FAAP24: variants seen among roughly 807,000 people sequenced by gnomAD.
FAAP24 encodes the protein FA core complex associated protein 24, also known as Fanconi anemia core complex-associated protein 24.
Under a neutral mutation model 14.3 loss-of-function variants are expected in FAAP24, and 16 were observed. The ratio of observed to expected loss-of-function variants is 1.12; its 90% CI spans 0.76 to 1.69. The LOEUF is 1.69. FAAP24 is among the 40% of genes most tolerant of loss of function. The probability of loss-of-function intolerance (pLI) is 0.00; values close to 1 mark genes in which losing one functional copy is unlikely to be tolerated. For synonymous variants in FAAP24, 111 were observed against 106.2 expected (o/e 1.04, Z -0.28); for missense variants, 234 against 262.7 (o/e 0.89, Z 0.75).
Position 32,973,225 on chromosome 19 carries a change from GC to G in FAAP24, c.33del (p.Val12CysfsTer35), listed in dbSNP as rs755103549. The G allele has an allele frequency of 6.2e-7, 1 of 1,613,790 alleles. No individual in the cohort carries two copies. On this transcript the variant is annotated frameshift_variant, in exon 2 of 5. Transcript: ENST00000588258. LOFTEE classifies it high-confidence loss of function. ...GAAAAGAACCCCCCTGATGATACGG[GC>G]CCCGTGCACGTGCCTTTGGGGCATA... MEKNPPDDT[G>X]PVHVPLGHIV... is the part of the protein sequence containing the mutation.
rs149750443 is a variant in FAAP24 at position 32,973,303 on chromosome 19, G to A, written c.106+1G>A. ...TCACAGCTGGCGCAGGAGATGCAAGGTCGGTGGCCTGCCCTCTGCCAGCCC... is the reference window on the plus strand; with the variant it reads ...TCACAGCTGGCGCAGGAGATGCAAGATCGGTGGCCTGCCCTCTGCCAGCCC... On this transcript the variant is annotated splice_donor_variant, in intron 2 of 4. Coordinates refer to ENST00000588258, the MANE Select transcript of FAAP24 (RefSeq NM_152266.5). LOFTEE classifies it high-confidence loss of function. The A allele has an allele frequency of 3.2e-5, 51 of 1,613,820 alleles. No individual in the cohort carries two copies. Among genetic ancestry groups the A allele is most frequent in the African/African-American group, 6.7e-5 (5 of 74,866 alleles).
chr19:32,972,634 C>T (rs925538344), intron 1 of FAAP24, among the ~76,000 whole-genome samples: 41 of 151,924 alleles, frequency 2.7e-4, no homozygotes, highest in Non-Finnish European at 2.8e-4. Context: ...GAATCCAATG[C>T]CATTACCACC....
rs1241054943 is a variant in FAAP24 at position 32,977,243 on chromosome 19, C to T, written c.*561C>T. The T allele has an allele frequency of 2.0e-5, 8 of 399,086 alleles. No homozygotes were observed. Among genetic ancestry groups the T allele is most frequent in the Non-Finnish European group, 8.8e-6 (2 of 226,578 alleles). 24.7% of individuals were successfully genotyped at this position (399,086 alleles called of 1,614,324 possible). A position where few individuals can be genotyped will look rare whatever the true frequency, so the allele number is the denominator to read the frequency against. On this transcript the variant is annotated 3_prime_UTR_variant, in exon 5 of 5. Transcript: ENST00000588258. ...GCTGGTGGGATCTTCGCAAGAGAGT[C>T]AGGGACTCACACTCAGCAAAAAGCA...
chr19:32,974,329 C>G (rs1971489255), intron 4 of FAAP24, 117 bp downstream of exon 4: 1 of 1,265,412 alleles, frequency 7.9e-7, no homozygotes, highest in East Asian at 2.5e-5. Flanking sequence ...TATAAAATCT[C>G]TTCGAGGAAT....
intron 1 of FAAP24, 55 bp from the exon 2 acceptor site, chr19:32,973,129 C>A: frequency 7.1e-7 from 1 of 1,401,206 alleles, no homozygotes; most frequent in South Asian, 1.2e-5. Context: ...GAGTGGAATG[C>A]AGGGCCGTGT....
rs1433801098 is a variant in FAAP24 at position 32,977,473 on chromosome 19, T to C, written c.*791T>C. ...CCCGTACTGCGAGGGCTGTTTCCAA[T>C]GTAAATAAATAACTGCGCAACAGTT... On this transcript the variant is annotated 3_prime_UTR_variant, in exon 5 of 5. Transcript: ENST00000588258. 1 of 398,434 alleles carries C rather than the reference T, an allele frequency of 2.5e-6. No individual in the cohort carries two copies. Among genetic ancestry groups the C allele is most frequent in the East Asian group, 3.6e-5 (1 of 28,088 alleles). 24.7% of individuals were successfully genotyped at this position (398,434 alleles called of 1,614,324 possible). A position where few individuals can be genotyped will look rare whatever the true frequency, so the allele number is the denominator to read the frequency against.
rs1043408530 is a variant in FAAP24 at position 32,976,822 on chromosome 19, C to CG, written c.*142dup. On this transcript the variant is annotated 3_prime_UTR_variant, in exon 5 of 5. Coordinates refer to ENST00000588258, the MANE Select transcript of FAAP24 (RefSeq NM_152266.5). ...CAGCACTTTGGGAGGCCGAAGACAG[C>CG]GGATCATCTGAGGTCAGGAGTTCAA... is the stretch of plus-strand genomic sequence containing the variant. 6.4e-6 allele frequency: 7 copies of CG among 1,094,168 alleles called. No individual in the cohort carries two copies. In the African/African-American group the frequency reaches 9.5e-5, roughly 15 times the overall value. 67.8% of individuals were successfully genotyped at this position (1,094,168 alleles called of 1,614,324 possible).
At position 32,974,131 on chromosome 19, in the gene FAAP24, G is replaced by A. The variant is rs772532765; in HGVS notation, c.315G>A (p.Gln105=). The change falls in exon 4 of 5, where the codon CAG becomes CAA. Residue 105 remains glutamine, a synonymous_variant. Coordinates refer to ENST00000588258, the MANE Select transcript of FAAP24 (RefSeq NM_152266.5). ...GTGAACAATACTTCCCAGCCCTACA[G>A]AAGTTTACTGTGCTGGACCTTGGAA... ...RMSEQYFPAL[Q]KFTVLDLGMV... is the part of the protein sequence containing the mutation. 3 of 1,614,204 alleles carry A rather than the reference G, an allele frequency of 1.9e-6. No individual in the cohort carries two copies. The South Asian group carries it at 3.3e-5, about 18-fold the overall frequency.
rs780149743 is a variant in FAAP24, at chr19:32,973,261, A to G, written c.65A>G (p.Asn22Ser). Reference protein sequence around the residue: ...VHVPLGHIVANEKWRGSQLAQ... With the variant: ...VHVPLGHIVASEKWRGSQLAQ... ...GTGCCTTTGGGGCATATTGTGGCCAATGAGAAATGGCGCGGGTCACAGCTG... is the reference window on the plus strand; with the variant it reads ...GTGCCTTTGGGGCATATTGTGGCCAGTGAGAAATGGCGCGGGTCACAGCTG... The change falls in exon 2 of 5, where the codon AAT (asparagine) becomes AGT (serine). Residue 22 changes from asparagine (N) to serine (S), a missense_variant. Transcript: ENST00000588258. 12 of 1,614,028 alleles carry G rather than the reference A, an allele frequency of 7.4e-6. No homozygotes were observed. The South Asian group carries it at 1.3e-4, about 18-fold the overall frequency.
At chr19:32,975,176 T>TC (rs1410394487) in intron 4 of FAAP24, among the ~76,000 whole-genome samples, 2 of 150,776 alleles carry the variant, frequency 1.3e-5, no homozygotes, top group East Asian at 2.0e-4. Context: ...CTGGGCAGTT[T>TC]TTTTTTTTTT....
In FAAP24 at chr19:32,976,621, A is replaced by G; in HGVS notation, c.587A>G (p.Glu196Gly). 2 of 1,614,154 alleles carry G rather than the reference A, an allele frequency of 1.2e-6. No individual in the cohort carries two copies. Among genetic ancestry groups the G allele is most frequent in the Non-Finnish European group, 1.7e-6 (2 of 1,180,026 alleles). Reference protein sequence around the residue: ...QLSNASIGELEQVVGQAVAQQ... With the variant: ...QLSNASIGELGQVVGQAVAQQ... The stretch of plus-strand genomic sequence containing the variant: ...AGTAATGCTTCCATTGGGGAACTGG[A>G]GCAGGTGGTCGGACAAGCAGTGGCA... The change falls in exon 5 of 5, where the codon GAG becomes GGG. Residue 196 changes from glutamate to glycine, a missense_variant. By Grantham distance (98) the Glu-to-Gly change is moderately conservative (BLOSUM62 -2). Transcript: ENST00000588258.
intron 4 of FAAP24, among the ~76,000 whole-genome samples, chr19:32,974,657 G>A (rs1599798475): frequency 6.6e-6 from 1 of 152,036 alleles, no homozygotes; most frequent in Non-Finnish European, 1.5e-5. Flanking sequence ...GGTGGTGGGT[G>A]CATGTAATCC....
rs141881474 is a variant in FAAP24 at position 32,976,769 on chromosome 19, C to T, written c.*87C>T. 5.9e-4 allele frequency: 905 copies of T among 1,528,340 alleles called. 3 individuals carry two copies. In the African/African-American group the frequency reaches 0.011, roughly 18 times the overall value. 94.7% of individuals were successfully genotyped at this position (1,528,340 alleles called of 1,614,324 possible). A position where few individuals can be genotyped will look rare whatever the true frequency, so the allele number is the denominator to read the frequency against. ...AGCTTTAAAAACCAAGAGAATGGGCCGGGTGCACTGGCTCACGCCTCTAAT... is the reference window on the plus strand; with the variant it reads ...AGCTTTAAAAACCAAGAGAATGGGCTGGGTGCACTGGCTCACGCCTCTAAT... On this transcript the variant is annotated 3_prime_UTR_variant, in exon 5 of 5. Coordinates refer to ENST00000588258, the MANE Select transcript of FAAP24 (RefSeq NM_152266.5).
rs557196170 is a variant in FAAP24 at position 32,976,783 on chromosome 19, C to A, written c.*101C>A. 1.4e-6 allele frequency: 2 copies of A among 1,457,140 alleles called. No individual in the cohort carries two copies. The highest frequency in any genetic ancestry group is 2.3e-5 in the East Asian group (1 of 42,968). The allele number at this position is 1,457,140 out of a possible 1,614,324, so 90.3% of individuals were successfully genotyped here. On this transcript the variant is annotated 3_prime_UTR_variant, in exon 5 of 5. Coordinates refer to ENST00000588258, the MANE Select transcript of FAAP24 (RefSeq NM_152266.5). ...AGAGAATGGGCCGGGTGCACTGGCT[C>A]ACGCCTCTAATCTCAGCACTTTGGG...
Position 32,973,240 on chromosome 19 carries a change from C to T in FAAP24, c.44C>T (p.Pro15Leu). 6.2e-7 allele frequency: 1 copy of T among 1,614,068 alleles called. No homozygotes were observed. Among genetic ancestry groups the T allele is most frequent in the South Asian group, 1.1e-5 (1 of 91,076 alleles). ...GATGATACGGGCCCCGTGCACGTGC[C>T]TTTGGGGCATATTGTGGCCAATGAG... Reference protein sequence around the residue: ...PPDDTGPVHVPLGHIVANEKW... With the variant: ...PPDDTGPVHVLLGHIVANEKW... The change falls in exon 2 of 5, where the codon CCT (proline) becomes CTT (leucine). Residue 15 changes from proline to leucine, a missense_variant. Transcript: ENST00000588258.
intron 4 of FAAP24, among the ~76,000 whole-genome samples, chr19:32,975,233 A>AC (rs112776742): frequency 0.027 from 3,977 of 147,004 alleles, 185 homozygotes; most frequent in African/African-American, 0.095. Context: ...GCAGTGGTGC[A>AC]ATCTTGGCTT....
rs1016640501 is a variant in FAAP24 at position 32,977,173 on chromosome 19, G to A, written c.*491G>A. 5.0e-6 allele frequency: 2 copies of A among 401,256 alleles called. No individual in the cohort carries two copies. The highest frequency in any genetic ancestry group is 4.1e-5 in the African/African-American group (2 of 48,758). 24.9% of individuals were successfully genotyped at this position (401,256 alleles called of 1,614,324 possible). A position where few individuals can be genotyped will look rare whatever the true frequency, so the allele number is the denominator to read the frequency against. On this transcript the variant is annotated 3_prime_UTR_variant, in exon 5 of 5. Transcript: ENST00000588258. ...CGTCTGAGTTCAGCTTGTGAAGTTA[G>A]TGGGCCGCAGAGGGCACTGCCTTCA... is the stretch of plus-strand genomic sequence containing the variant.
intron 4 of FAAP24, among the ~76,000 whole-genome samples, chr19:32,975,437 C>T (rs111516300): frequency 0.24 from 36,479 of 150,872 alleles, 4,613 homozygotes; most frequent in Admixed American, 0.35. Context: ...TCCCAAAGTT[C>T]TGGGCCACCG....
rs761530265 is a variant in FAAP24 at position 32,976,473 on chromosome 19, G to A, written c.439G>A (p.Gly147Arg). Reference protein sequence around the residue: ...TKEPSKNPLLGKKRALLLSEP... With the variant: ...TKEPSKNPLLRKKRALLLSEP... ...AGAGCCCAGTAAGAACCCTCTTCTC[G>A]GGAAGAAACGGGCCCTGCTGCTGTC... The change falls in exon 5 of 5, where the codon GGG (glycine) becomes AGG (arginine). Residue 147 changes from glycine to arginine, a missense_variant. Physicochemically the swap from Gly to Arg is moderately radical, Grantham distance 125 (BLOSUM62 -2). Transcript: ENST00000588258. 26 of 1,614,078 alleles carry A rather than the reference G, an allele frequency of 1.6e-5. No homozygotes were observed. The highest frequency in any genetic ancestry group is 8.8e-5 in the South Asian group (8 of 91,090).
Sources: gnomAD v4.1 joint callset for allele counts (sites outside exome capture counted in the v4.1 genomes callset) on GRCh38, gnomAD v4.1.1 for gene constraint, MANE v1.5 for transcripts, NCBI Gene and HGNC (gene_info 2026-07-23, HGNC 2026-07-21) for gene names.